Variants in ARVCF observed in about 807,000 individuals in gnomAD.
ARVCF encodes the protein ARVCF delta catenin family member.
Under a neutral mutation model 90.9 loss-of-function variants are expected in ARVCF, and 66 were observed. The ratio of observed to expected loss-of-function variants is 0.73; its 90% CI spans 0.60 to 0.89. The LOEUF (loss-of-function observed/expected upper bound fraction) is 0.89. Among genes scored for constraint, ARVCF ranks in the 40% least tolerant of loss-of-function variants. The pLI, the probability that ARVCF is intolerant of heterozygous loss-of-function variation, is 0.00. For synonymous variants in ARVCF, 653 were observed against 603.4 expected, an observed-to-expected ratio of 1.08 and a Z score of -1.21; for missense variants, 1,469 against 1,382.3, an observed-to-expected ratio of 1.06 and a Z score of -1.00.
rs527388400 is a variant in ARVCF at position 19,970,304 on chromosome 22, G to A, written c.*452C>T. 1.8e-5 allele frequency: 18 copies of A among 994,098 alleles called. No individual in the cohort carries two copies. The Admixed American group carries it at 2.4e-4, about 13-fold the overall frequency. The allele number at this position is 994,098 out of a possible 1,614,324, so 61.6% of individuals were successfully genotyped here. On this transcript the variant is annotated 3_prime_UTR_variant, in exon 20 of 20. Coordinates refer to ENST00000263207, the MANE Select transcript of ARVCF (RefSeq NM_001670.3). The stretch of plus-strand genomic sequence containing the variant: ...TGCAGGGTGCCCAGGGAGACCCTCC[G>A]CCTTTAGAAGTCCAAGTTCTTTCCC...
In ARVCF at chr22:19,972,852, G is replaced by A. The variant is rs199831132; in HGVS notation, c.2551-25C>T. 2,177 of 1,613,632 alleles carry A rather than the reference G, an allele frequency of 1.3e-3. 18 individuals are homozygous for A. The highest frequency in any genetic ancestry group is 6.3e-3 in the South Asian group (578 of 91,072). ...ACTGAGACATAAAACACAGACACAG[G>A]GTGGGTGAAGCACATGGAGTGGGAA... On this transcript the variant is annotated intron_variant, in intron 15 of 19. Transcript: ENST00000263207.
At chr22:20,015,474 C>T (rs1945023868) in intron 1 of ARVCF, among the ~76,000 whole-genome samples, 1 of 152,210 alleles carries the variant, frequency 6.6e-6, no homozygotes, top group African/African-American at 2.4e-5. Context: ...CATTCAGCAC[C>T]ATCCCAGCTC....
At chr22:19,982,808 C>A (rs1056358294) in intron 3 of ARVCF, among the ~76,000 whole-genome samples, 42 of 152,200 alleles carry the variant, frequency 2.8e-4, no homozygotes, top group Non-Finnish European at 5.1e-4. Context: ...GCTGGCGCCC[C>A]CAGTGACTGA....
intron 10 of ARVCF, 151 bp downstream of exon 10, chr22:19,976,555 G>A (rs1476856847): frequency 8.4e-6 from 9 of 1,075,672 alleles, no homozygotes; most frequent in East Asian, 2.6e-5. Flanking sequence ...AATGAGCCCC[G>A]TGGCCTTCCC....
At chr22:19,985,892 G>C (rs1156903800) in intron 3 of ARVCF, among the ~76,000 whole-genome samples, 2 of 152,202 alleles carry the variant, frequency 1.3e-5, no homozygotes, top group African/African-American at 2.4e-5. Context: ...ATGAATGAAT[G>C]AATCTTCTCC....
chr22:19,986,492 G>A (rs1016580583), intron 3 of ARVCF, among the ~76,000 whole-genome samples: 1 of 152,168 alleles, frequency 6.6e-6, no homozygotes, highest in African/African-American at 2.4e-5. Context: ...TCCATTAGTG[G>A]GCAGGGCCTG....
At chr22:19,972,689 G>C in intron 16 of ARVCF, 48 bp downstream of exon 16, 1 of 1,539,348 alleles carries the variant, frequency 6.5e-7, no homozygotes, top group Non-Finnish European at 8.7e-7. Context: ...AGGCAACTGG[G>C]GCAGCTGGGG....
chr22:19,987,006 A>C (rs920541359), intron 3 of ARVCF: 1 of 642,382 alleles, frequency 1.6e-6, no homozygotes, highest in East Asian at 3.4e-5. Flanking sequence ...CCTCCCGGGC[A>C]GGCCGACGCC....
At chr22:19,978,115 A>T in intron 7 of ARVCF, 40 bp from the exon 8 acceptor site, 1 of 1,549,900 alleles carries the variant, frequency 6.5e-7, no homozygotes, top group Non-Finnish European at 8.7e-7. Flanking sequence ...CCTGGCTACC[A>T]GAAACTCCCT....
chr22:19,969,537 GGGTCAGACTGCTAGCCACCTCAGA>G (rs996132331), downstream of ARVCF: 1 of 152,260 alleles, frequency 6.6e-6, no homozygotes, highest in Non-Finnish European at 1.5e-5. Context: ...CTCCTCCAAG[GGGTCAGACTGCTAGCCACCTCAGA>G]GGCTCCAAGG....
At chr22:19,999,458 C>A (rs1191124249) in intron 2 of ARVCF, among the ~76,000 whole-genome samples, 5 of 152,206 alleles carry the variant, frequency 3.3e-5, no homozygotes, top group Non-Finnish European at 7.3e-5. Flanking sequence ...GGTCAGCAAG[C>A]ACTTGCTGCA....
chr22:19,973,088 TCCC>T, intron 14 of ARVCF, 28 bp downstream of exon 14: 1 of 1,335,360 alleles, frequency 7.5e-7, no homozygotes, highest in Non-Finnish European at 1.0e-6. Flanking sequence ...CCTCCGCGGC[TCCC>T]CAAGCCACCG....
At chr22:19,988,545 G>A (rs916668606) in intron 3 of ARVCF, among the ~76,000 whole-genome samples, 1 of 152,202 alleles carries the variant, frequency 6.6e-6, no homozygotes, top group African/African-American at 2.4e-5. Context: ...CTTCCTGCTG[G>A]AAGATGAAGG....
At chr22:19,973,077 A>AACCCCCCACCCCCCCCCC (rs1942925106) in intron 14 of ARVCF, 41 bp from the exon 15 acceptor site, 1 of 1,140,982 alleles carries the variant, frequency 8.8e-7, no homozygotes, top group Non-Finnish European at 1.2e-6. Flanking sequence ...CCCCTCCCCC[A>AACCCCCCACCCCCCCCCC]CCTCCGCGGC....
At chr22:20,004,057 T>C (rs975549496) in intron 2 of ARVCF, among the ~76,000 whole-genome samples, 3 of 152,090 alleles carry the variant, frequency 2.0e-5, no homozygotes, top group African/African-American at 7.2e-5. Context: ...CAGAAATCAG[T>C]TGCATTTCTA....
intron 2 of ARVCF, among the ~76,000 whole-genome samples, chr22:19,995,814 G>A (rs1332748012): frequency 6.6e-6 from 1 of 152,076 alleles, no homozygotes; most frequent in Non-Finnish European, 1.5e-5. Flanking sequence ...AGACGGGACG[G>A]ATGACCATCG....
intron 2 of ARVCF, among the ~76,000 whole-genome samples, chr22:20,003,726 A>G (rs1266609788): frequency 6.6e-6 from 1 of 152,246 alleles, no homozygotes; most frequent in Non-Finnish European, 1.5e-5. Flanking sequence ...CTTTCTCAAC[A>G]TGATGAAAGC....
rs142606829 is a variant in ARVCF, at chr22:19,978,009, C to A, written c.1647G>T (p.Ala549=). The change falls in exon 8 of 20, where the codon GCG becomes GCT. Residue 549 remains alanine (A), a synonymous_variant. Coordinates refer to ENST00000263207, the MANE Select transcript of ARVCF (RefSeq NM_001670.3). ...CAGCCGACTGCAGGGCATGCAGGAG[C>A]GCGTCCACCAGCCCTTCACACTCCC... ...RLRECEGLVD[A]LLHALQSAVG... 2 of 1,612,004 alleles carry A rather than the reference C, an allele frequency of 1.2e-6. No individual in the cohort carries two copies. Among genetic ancestry groups the A allele is most frequent in the Admixed American group, 1.7e-5 (1 of 59,926 alleles).
chr22:20,008,922 T>C (rs376077707), intron 2 of ARVCF, among the ~76,000 whole-genome samples: 51 of 149,802 alleles, frequency 3.4e-4, no homozygotes, highest in African/African-American at 1.1e-3. Flanking sequence ...GACCAAGAAC[T>C]GGAGGGGGGA....
Sources: gnomAD v4.1 joint callset for allele counts (sites outside exome capture counted in the v4.1 genomes callset) on GRCh38, gnomAD v4.1.1 for gene constraint, MANE v1.5 for transcripts, NCBI Gene and HGNC (gene_info 2026-07-23, HGNC 2026-07-21) for gene names.